Variants in ACTR3C observed in about 807,000 individuals in gnomAD.
ACTR3C encodes the protein actin related protein 3C.
Under a neutral mutation model 26.3 loss-of-function variants are expected in ACTR3C, and 18 were observed. That is an observed-to-expected ratio of 0.68 (90% CI 0.47 to 1.01). The LOEUF is 1.01. Among genes scored for constraint, ACTR3C ranks in the 50% least tolerant of loss-of-function variants. The pLI, the probability that ACTR3C is intolerant of heterozygous loss-of-function variation, is 0.00. For synonymous variants in ACTR3C, 55 were observed against 94.5 expected (o/e 0.58, Z 2.42); for missense variants, 184 against 250.7 (o/e 0.73, Z 1.80).
chr7:149,887,475 GCCAGGCGCCTTCCAGGTGC>G, the ACTR3C span, among the ~76,000 whole-genome samples: 2 of 152,150 alleles, frequency 1.3e-5, no homozygotes, highest in Non-Finnish European at 2.9e-5. Flanking sequence ...TCCCATACAC[GCCAGGCGCCTTCCAGGTGC>G]CAGCACTGGC....
At chr7:150,111,228 C>G in the ACTR3C span, among the ~76,000 whole-genome samples, 1 of 120,000 alleles carries the variant, frequency 8.3e-6, no homozygotes, top group Non-Finnish European at 1.7e-5. Flanking sequence ...CTCCCTGGAC[C>G]GCAGCTGGGG....
chr7:149,948,907 A>T, the ACTR3C span, among the ~76,000 whole-genome samples: 1 of 151,860 alleles, frequency 6.6e-6, no homozygotes, highest in African/African-American at 2.4e-5. Flanking sequence ...AAAGGGAATA[A>T]CTGTGAGGTT....
the ACTR3C span, among the ~76,000 whole-genome samples, chr7:150,144,508 G>A: frequency 6.6e-6 from 1 of 151,838 alleles, no homozygotes; most frequent in Non-Finnish European, 1.5e-5. This position sits in a 1 kb window ranked among gnomAD's most constrained non-coding sequence, Gnocchi z 4.6. Flanking sequence ...GTAAACAATT[G>A]AATAATATTA....
the ACTR3C span, among the ~76,000 whole-genome samples, chr7:150,193,050 C>T: frequency 1.3e-5 from 2 of 152,168 alleles, no homozygotes; most frequent in Non-Finnish European, 2.9e-5. Flanking sequence ...TAAAAGCCTT[C>T]GGACTTGTAG....
At chr7:150,139,053 T>C in the ACTR3C span, among the ~76,000 whole-genome samples, 1 of 152,262 alleles carries the variant, frequency 6.6e-6, no homozygotes, top group Non-Finnish European at 1.5e-5. Flanking sequence ...TATTTCATTA[T>C]ACGTTACAAT....
At chr7:150,310,263 T>C (rs745864414) in intron 1 of ACTR3C, among the ~76,000 whole-genome samples, 1 of 152,114 alleles carries the variant, frequency 6.6e-6, no homozygotes, top group Non-Finnish European at 1.5e-5. Context: ...TACCTCTACT[T>C]GTTCTCTGGC....
the ACTR3C span, among the ~76,000 whole-genome samples, chr7:150,038,029 C>A: frequency 7.3e-6 from 1 of 136,864 alleles, no homozygotes; most frequent in East Asian, 2.1e-4. Context: ...TATGGTGGTC[C>A]CAAGAGCCAT....
the ACTR3C span, among the ~76,000 whole-genome samples, chr7:150,059,321 G>A: frequency 3.3e-5 from 5 of 152,306 alleles, no homozygotes; most frequent in South Asian, 2.1e-4. Flanking sequence ...ACATATGGCC[G>A]CCTGTAGCTC....
chr7:150,043,508 A>G, the ACTR3C span, among the ~76,000 whole-genome samples: 3 of 152,248 alleles, frequency 2.0e-5, no homozygotes, highest in Non-Finnish European at 2.9e-5. Context: ...CATCCTTTAG[A>G]AACAGTAATA....
the ACTR3C span, among the ~76,000 whole-genome samples, chr7:150,183,850 T>A: frequency 6.7e-6 from 1 of 150,164 alleles, no homozygotes; most frequent in African/African-American, 2.5e-5. Context: ...TGGAGGTAAT[T>A]GAATTATGGG....
chr7:150,291,934 A>C (rs1836301648), intron 3 of ACTR3C, among the ~76,000 whole-genome samples: 1 of 151,576 alleles, frequency 6.6e-6, no homozygotes, highest in African/African-American at 2.4e-5. Context: ...CATAGCCAGG[A>C]GTACAAGGTA....
At chr7:150,062,453 C>T in the ACTR3C span, among the ~76,000 whole-genome samples, 1 of 145,224 alleles carries the variant, frequency 6.9e-6, no homozygotes, top group Admixed American at 6.9e-5. Flanking sequence ...CTTCCATCTC[C>T]TTTGCTGTTC....
At chr7:150,299,489 A>AAAAAAC (rs1795248283) in intron 1 of ACTR3C, among the ~76,000 whole-genome samples, 1 of 144,332 alleles carries the variant, frequency 6.9e-6, no homozygotes, top group Non-Finnish European at 1.5e-5. Flanking sequence ...AAAAAAAAAA[A>AAAAAAC]AAAAACAAAA....
the ACTR3C span, among the ~76,000 whole-genome samples, chr7:149,984,744 C>A: frequency 1.3e-5 from 2 of 151,988 alleles, no homozygotes; most frequent in Non-Finnish European, 1.5e-5. Context: ...TGTTTGGCTT[C>A]AGAGTTGCAG....
the ACTR3C span, among the ~76,000 whole-genome samples, chr7:149,901,081 T>G: frequency 6.6e-6 from 1 of 152,174 alleles, no homozygotes; most frequent in South Asian, 2.1e-4. Context: ...CTGAGTAGTA[T>G]TTAGTGTATG....
chr7:150,079,163 G>A, the ACTR3C span, among the ~76,000 whole-genome samples: 924 of 152,234 alleles, frequency 6.1e-3, 10 homozygotes, highest in African/African-American at 0.021. Flanking sequence ...GGTCACTTAC[G>A]TGACTTCTGG....
chr7:150,287,446 A>C (rs2531066), intron 4 of ACTR3C, among the ~76,000 whole-genome samples: 33,855 of 151,152 alleles, frequency 0.22, 5,950 homozygotes, highest in African/African-American at 0.48. Flanking sequence ...GAAGTGTTTC[A>C]TGGGTATCTG....
downstream of ACTR3C, among the ~76,000 whole-genome samples, chr7:150,243,189 A>T (rs1278093958): frequency 2.0e-5 from 3 of 152,252 alleles, no homozygotes; most frequent in East Asian, 5.8e-4. Flanking sequence ...GCCTATTCTA[A>T]AGCCTATTGT....
chr7:150,319,091 G>A (rs1389077859), intron 1 of ACTR3C, among the ~76,000 whole-genome samples: 1 of 152,132 alleles, frequency 6.6e-6, no homozygotes, highest in African/African-American at 2.4e-5. Flanking sequence ...AGCAAGTCTT[G>A]TCAATTTAGG....
Sources: allele counts gnomAD v4.1 joint callset (sites outside exome capture counted in the v4.1 genomes callset), GRCh38; gene constraint gnomAD v4.1.1; non-coding constraint Gnocchi (gnomAD v3.1); transcripts MANE v1.5; gene names NCBI Gene and HGNC (gene_info 2026-07-23, HGNC 2026-07-21).